Variants in ARL13B observed in about 807,000 individuals in gnomAD.
ARL13B encodes ADP-ribosylation factor-like protein 13B.
In ARL13B, 36 loss-of-function variants were observed where a neutral mutation model predicts 56.1. The ratio of observed to expected loss-of-function variants is 0.64; its 90% CI spans 0.49 to 0.85. The LOEUF is 0.85. Among genes scored for constraint, ARL13B ranks in the 40% least tolerant of loss-of-function variants. The pLI, the probability that ARL13B is intolerant of heterozygous loss-of-function variation, is 0.00. For missense variants in ARL13B, 519 were observed against 507.1 expected (o/e 1.02, Z -0.23); for synonymous variants, 178 against 171.1 (o/e 1.04, Z -0.32).
At position 94,003,901 on chromosome 3, in the gene ARL13B, A is replaced by T; in HGVS notation, c.373A>T (p.Ile125Leu). ...LRHPRISGKP[I>L]LVLANKQDKE... ...ACATCCTAGGATATCGGGAAAGCCT[A>T]TATTGGTGTAAGTAATGTTAGCATC... The change falls in exon 3 of 10, where the codon ATA (isoleucine) becomes TTA (leucine). Residue 125 changes from isoleucine to leucine, a missense_variant. Coordinates refer to ENST00000394222, the MANE Select transcript of ARL13B (RefSeq NM_001174150.2). 1 of 1,613,226 alleles carries T rather than the reference A, an allele frequency of 6.2e-7. No homozygotes were observed. Among genetic ancestry groups the T allele is most frequent in the Non-Finnish European group, 8.5e-7 (1 of 1,179,494 alleles).
chr3:93,983,734 A>G (rs1194538311), intron 1 of ARL13B, among the ~76,000 whole-genome samples: 1 of 151,890 alleles, frequency 6.6e-6, no homozygotes, highest in African/African-American at 2.4e-5. Context: ...GCAGTTGTCC[A>G]TTGATTACTG....
Position 94,053,648 on chromosome 3 carries a change from A to G in ARL13B, c.*385A>G. 1 of 442,252 alleles carries G rather than the reference A, an allele frequency of 2.3e-6. No homozygotes were observed. The highest frequency in any genetic ancestry group is 7.1e-4 in the Middle Eastern group (1 of 1,400). 27.4% of individuals were successfully genotyped at this position (442,252 alleles called of 1,614,324 possible). ...TTTCTAGATATTAAATATTTTTTGT[A>G]AGATATATGCACATAGAAGGGGGAC... On this transcript the variant is annotated 3_prime_UTR_variant, in exon 10 of 10. Transcript: ENST00000394222.
chr3:94,032,771 C>T (rs910990210), intron 3 of ARL13B, among the ~76,000 whole-genome samples: 1 of 152,208 alleles, frequency 6.6e-6, no homozygotes, highest in Non-Finnish European at 1.5e-5. Flanking sequence ...GCTGGGATTA[C>T]AGGCGTAAGC....
intron 3 of ARL13B, chr3:94,028,275 T>C (rs181735069): frequency 1.3e-5 from 2 of 152,326 alleles, no homozygotes; most frequent in Admixed American, 1.3e-4. Flanking sequence ...ACCCTCATTA[T>C]TTGTTGAGTG....
intron 3 of ARL13B, among the ~76,000 whole-genome samples, chr3:94,005,175 GTGTT>G (rs1249030324): frequency 4.6e-5 from 7 of 152,126 alleles, no homozygotes; most frequent in African/African-American, 1.4e-4. Context: ...GGTTGGGAAA[GTGTT>G]TGGGAATAAA....
intron 3 of ARL13B, among the ~76,000 whole-genome samples, chr3:94,027,638 AT>A (rs1161064390): frequency 9.2e-5 from 14 of 152,114 alleles, no homozygotes; most frequent in African/African-American, 3.4e-4. Context: ...GAAATGGAAT[AT>A]TTATTAAATT....
chr3:94,029,697 CAAAAT>C (rs2076640563), intron 3 of ARL13B, among the ~76,000 whole-genome samples: 1 of 151,964 alleles, frequency 6.6e-6, no homozygotes, highest in African/African-American at 2.4e-5. Flanking sequence ...AATCTGTACT[CAAAAT>C]AAGAAATGAC....
chr3:93,987,956 A>G (rs928371937), intron 1 of ARL13B, among the ~76,000 whole-genome samples: 2 of 152,074 alleles, frequency 1.3e-5, no homozygotes, highest in East Asian at 1.9e-4. Flanking sequence ...TCTTTTTTAA[A>G]TAGTTATTAT....
intron 3 of ARL13B, among the ~76,000 whole-genome samples, chr3:94,019,817 A>G (rs1461846049): frequency 4.6e-5 from 7 of 152,162 alleles, no homozygotes. Context: ...GTTCTCACAC[A>G]AATCTGGCAC....
chr3:93,981,362 A>G (rs564189793), intron 1 of ARL13B, among the ~76,000 whole-genome samples: 1 of 152,254 alleles, frequency 6.6e-6, no homozygotes, highest in South Asian at 2.1e-4. Context: ...AAGATAAAGC[A>G]AAGTTGTTTT....
intron 3 of ARL13B, among the ~76,000 whole-genome samples, chr3:94,011,189 C>T (rs1361347349): frequency 6.6e-6 from 1 of 151,760 alleles, no homozygotes; most frequent in Non-Finnish European, 1.5e-5. Context: ...TTTCAAATAC[C>T]TCAACCTCTC....
intron 3 of ARL13B, among the ~76,000 whole-genome samples, chr3:94,025,297 T>C (rs1275485483): frequency 6.6e-6 from 1 of 151,638 alleles, no homozygotes; most frequent in African/African-American, 2.4e-5. Context: ...ATTATTGATA[T>C]TAAAGGCAAA....
intron 5 of ARL13B, among the ~76,000 whole-genome samples, chr3:94,039,499 C>CAAAAAAAA (rs11437061): frequency 3.1e-5 from 2 of 65,280 alleles, no homozygotes; most frequent in Non-Finnish European, 3.4e-5. Context: ...GACTCCGACT[C>CAAAAAAAA]AAAAAAAAAA....
chr3:93,980,761 G>GT (rs1491109610), intron 1 of ARL13B, among the ~76,000 whole-genome samples: 17 of 150,030 alleles, frequency 1.1e-4, no homozygotes, highest in African/African-American at 3.7e-4. Context: ...GTGTGTGTGT[G>GT]GAATTGAAAA....
chr3:93,984,628 G>A (rs375411390), intron 1 of ARL13B, among the ~76,000 whole-genome samples: 1 of 152,160 alleles, frequency 6.6e-6, no homozygotes, highest in Non-Finnish European at 1.5e-5. Flanking sequence ...CAGTTCAAAC[G>A]TGTGTTGTTC....
intron 3 of ARL13B, among the ~76,000 whole-genome samples, chr3:94,019,774 C>G (rs2106989151): frequency 6.6e-6 from 1 of 152,320 alleles, no homozygotes; most frequent in Non-Finnish European, 1.5e-5. Context: ...CTACAACTCT[C>G]CCTTTCTCTG....
intron 3 of ARL13B, among the ~76,000 whole-genome samples, chr3:94,005,731 A>T (rs1257910750): frequency 6.6e-6 from 1 of 152,202 alleles, no homozygotes; most frequent in African/African-American, 2.4e-5. Context: ...TTACAATCAG[A>T]ATTTTATTAT....
Position 94,054,761 on chromosome 3 carries a change from C to G in ARL13B, c.*1498C>G. ...ATATTCTTGGAGTTTGTACATGGGA[C>G]TTAGCAACCACACTGAGTGAGGTAA... On this transcript the variant is annotated 3_prime_UTR_variant, in exon 10 of 10. Coordinates refer to ENST00000394222, the MANE Select transcript of ARL13B (RefSeq NM_001174150.2). The G allele has an allele frequency of 2.4e-6, 1 of 418,080 alleles. No individual in the cohort carries two copies. The highest frequency in any genetic ancestry group is 4.8e-6 in the Non-Finnish European group (1 of 208,866). 25.9% of individuals were successfully genotyped at this position (418,080 alleles called of 1,614,324 possible).
chr3:93,981,990 A>G (rs1710245093), intron 1 of ARL13B, among the ~76,000 whole-genome samples: 1 of 152,022 alleles, frequency 6.6e-6, no homozygotes, highest in African/African-American at 2.4e-5. Flanking sequence ...CTTGAGGGTC[A>G]TTCATAATAG....
Sources: allele counts gnomAD v4.1 joint callset (sites outside exome capture counted in the v4.1 genomes callset), GRCh38; gene constraint gnomAD v4.1.1; transcripts MANE v1.5; gene names NCBI Gene and HGNC (gene_info 2026-07-23, HGNC 2026-07-21).